PCDH9: variants seen among roughly 807,000 people sequenced by gnomAD.
PCDH9 encodes the protein protocadherin 9.
PCDH9 carries 24 observed loss-of-function variants against 70.6 expected under a neutral mutation model. The observed-to-expected ratio is 0.34, with a 90% CI of 0.25 to 0.48. The LOEUF (loss-of-function observed/expected upper bound fraction) is 0.48. PCDH9 is among the 20% of genes least tolerant of loss of function. The probability of loss-of-function intolerance (pLI) is 0.99; values close to 1 mark genes in which losing one functional copy is unlikely to be tolerated. For synonymous variants in PCDH9, 562 were observed against 558.5 expected, an observed-to-expected ratio of 1.01 and a Z score of -0.09; for missense variants, 1,281 against 1,503.6, an observed-to-expected ratio of 0.85 and a Z score of 2.45.
intron 3 of PCDH9, among the ~76,000 whole-genome samples, chr13:66,891,376 A>G (rs1487929953): frequency 1.3e-5 from 2 of 152,100 alleles, no homozygotes; most frequent in African/African-American, 4.8e-5. Context: ...TTCCTATATA[A>G]CTAGGCGGAT....
chr13:66,311,669 A>C (rs1428386032), intron 4 of PCDH9, among the ~76,000 whole-genome samples: 2 of 152,178 alleles, frequency 1.3e-5, no homozygotes, highest in Non-Finnish European at 2.9e-5. Context: ...GAAATAGTTC[A>C]GCATTGCCCT....
At chr13:67,156,635 G>A (rs2087820855) in intron 2 of PCDH9, among the ~76,000 whole-genome samples, 2 of 152,150 alleles carry the variant, frequency 1.3e-5, no homozygotes, top group Admixed American at 1.3e-4. Flanking sequence ...GCCCACATGT[G>A]ATCCTATTCT....
intron 2 of PCDH9, among the ~76,000 whole-genome samples, chr13:67,065,604 T>C (rs1434167640): frequency 6.6e-6 from 1 of 152,196 alleles, no homozygotes; most frequent in Non-Finnish European, 1.5e-5. Context: ...CTTGGGTTAA[T>C]TTTAATTTTG....
chr13:66,569,198 A>G (rs1483024862), intron 4 of PCDH9, among the ~76,000 whole-genome samples: 5 of 149,154 alleles, frequency 3.4e-5, no homozygotes, highest in Admixed American at 1.3e-4. Flanking sequence ...TTTATTTTTT[A>G]GCAGAGACGG....
intron 2 of PCDH9, among the ~76,000 whole-genome samples, chr13:67,121,909 T>G (rs1187988722): frequency 6.6e-6 from 1 of 152,196 alleles, no homozygotes; most frequent in African/African-American, 2.4e-5. Context: ...CATCCTTGAT[T>G]ATGATGACTA....
intron 3 of PCDH9, among the ~76,000 whole-genome samples, chr13:66,812,770 A>G (rs916974036): frequency 1.3e-5 from 2 of 152,206 alleles, no homozygotes; most frequent in African/African-American, 4.8e-5. Context: ...AGTTTAGGAA[A>G]TAATTAGGAA....
chr13:66,502,070 C>CTT (rs1315405773), intron 4 of PCDH9, among the ~76,000 whole-genome samples: 1 of 152,066 alleles, frequency 6.6e-6, no homozygotes, highest in Non-Finnish European at 1.5e-5. Flanking sequence ...TTTTGATATT[C>CTT]TCTCTGAGCT....
chr13:66,326,982 T>A (rs1051875134), intron 4 of PCDH9, among the ~76,000 whole-genome samples: 1 of 152,080 alleles, frequency 6.6e-6, no homozygotes, highest in Non-Finnish European at 1.5e-5. Flanking sequence ...CGATGAGGGT[T>A]TTTTGTTTTT....
At chr13:66,826,712 A>T (rs2080829860) in intron 3 of PCDH9, among the ~76,000 whole-genome samples, 2 of 152,154 alleles carry the variant, frequency 1.3e-5, no homozygotes, top group Admixed American at 1.3e-4. Flanking sequence ...AAAACTAAAG[A>T]GTGGGAAGAA....
intron 2 of PCDH9, among the ~76,000 whole-genome samples, chr13:67,184,548 G>A (rs908575795): frequency 6.6e-6 from 1 of 152,098 alleles, no homozygotes; most frequent in Non-Finnish European, 1.5e-5. Flanking sequence ...GAGCAATACG[G>A]TGAAACCCCG....
chr13:66,454,488 T>C (rs747667660), intron 4 of PCDH9, among the ~76,000 whole-genome samples: 2 of 152,206 alleles, frequency 1.3e-5, no homozygotes, highest in Non-Finnish European at 2.9e-5. Context: ...AAGGCAGCAG[T>C]GCTGAGGAGA....
At chr13:66,368,029 C>T (rs758679447) in intron 4 of PCDH9, among the ~76,000 whole-genome samples, 7 of 151,922 alleles carry the variant, frequency 4.6e-5, no homozygotes, top group African/African-American at 1.5e-4. Context: ...ACAAATTGAA[C>T]ATTTAAGTGA....
At chr13:66,404,969 T>C (rs1269394667) in intron 4 of PCDH9, among the ~76,000 whole-genome samples, 1 of 152,178 alleles carries the variant, frequency 6.6e-6, no homozygotes, top group African/African-American at 2.4e-5. Flanking sequence ...TATTTAGATG[T>C]TATGTCTATA....
At chr13:66,351,463 C>T (rs867986861) in intron 4 of PCDH9, among the ~76,000 whole-genome samples, 2 of 151,876 alleles carry the variant, frequency 1.3e-5, no homozygotes, top group Middle Eastern at 3.4e-3. Flanking sequence ...GAAAGACGTT[C>T]GATTTATAAT....
intron 3 of PCDH9, among the ~76,000 whole-genome samples, chr13:66,837,190 A>C (rs376036159): frequency 6.6e-6 from 1 of 152,242 alleles, no homozygotes; most frequent in East Asian, 1.9e-4. Context: ...TTATTTTAAA[A>C]ATTTTCTTCC....
chr13:66,829,635 G>A (rs574998834), intron 3 of PCDH9, among the ~76,000 whole-genome samples: 35 of 146,070 alleles, frequency 2.4e-4, no homozygotes, highest in Admixed American at 2.0e-3. Flanking sequence ...CATGAATGGC[G>A]TGAACCCGGG....
chr13:66,665,449 G>A (rs1188767539), intron 3 of PCDH9, among the ~76,000 whole-genome samples: 2 of 151,980 alleles, frequency 1.3e-5, no homozygotes, highest in African/African-American at 2.4e-5. Context: ...AATCCTATGC[G>A]TTTTCCCTTA....
chr13:66,868,509 C>A (rs1049955914), intron 3 of PCDH9, among the ~76,000 whole-genome samples: 2 of 151,194 alleles, frequency 1.3e-5, no homozygotes, highest in African/African-American at 2.5e-5. Context: ...GGAACATCAA[C>A]CATGTGCAAA....
chr13:66,512,425 T>C (rs2138586929), intron 4 of PCDH9, among the ~76,000 whole-genome samples: 1 of 152,134 alleles, frequency 6.6e-6, no homozygotes, highest in Non-Finnish European at 1.5e-5. Context: ...AATGTTCCCT[T>C]TGAGAAATTA....
Sources: gnomAD v4.1 joint callset for allele counts (sites outside exome capture counted in the v4.1 genomes callset) on GRCh38, gnomAD v4.1.1 for gene constraint, MANE v1.5 for transcripts, NCBI Gene and HGNC (gene_info 2026-07-23, HGNC 2026-07-21) for gene names.